CCDC63: variants seen among roughly 807,000 people sequenced by gnomAD.
CCDC63 encodes the protein coiled-coil domain containing 63.
Under a neutral mutation model 63.6 loss-of-function variants are expected in CCDC63, and 54 were observed. The observed-to-expected ratio is 0.85, with a 90% CI of 0.68 to 1.07. The LOEUF (loss-of-function observed/expected upper bound fraction) is 1.07, where lower values mean the gene tolerates loss of function less well. CCDC63 is among the 50% of genes least tolerant of loss of function. The probability of loss-of-function intolerance (pLI) is 0.00; values close to 1 mark genes in which losing one functional copy is unlikely to be tolerated. For missense variants in CCDC63, 637 were observed against 689.6 expected, an observed-to-expected ratio of 0.92 and a Z score of 0.86; for synonymous variants, 253 against 266.1, an observed-to-expected ratio of 0.95 and a Z score of 0.48.
chr12:110,869,985 G>A (rs866438444), intron 4 of CCDC63, among the ~76,000 whole-genome samples: 15 of 152,078 alleles, frequency 9.9e-5, no homozygotes, highest in Admixed American at 5.9e-4. Context: ...TCCTTCACCC[G>A]GTTCCCCCAA....
intron 4 of CCDC63, among the ~76,000 whole-genome samples, chr12:110,870,078 T>A (rs2071043718): frequency 1.3e-5 from 2 of 152,096 alleles, no homozygotes; most frequent in African/African-American, 4.8e-5. Context: ...GAACTCCAGT[T>A]TTTATTGGAG....
At chr12:110,868,686 G>C (rs1310487048) in intron 4 of CCDC63, among the ~76,000 whole-genome samples, 1 of 146,572 alleles carries the variant, frequency 6.8e-6, no homozygotes, top group East Asian at 2.1e-4. Flanking sequence ...GTCCAGCTTC[G>C]GCTCCGCATG....
intron 8 of CCDC63, among the ~76,000 whole-genome samples, chr12:110,886,838 G>A (rs1050755110): frequency 2.6e-5 from 4 of 152,130 alleles, no homozygotes; most frequent in Admixed American, 1.3e-4. Context: ...TCCCCCTCCC[G>A]GAAGGAGGTC....
chr12:110,893,055 G>A, intron 8 of CCDC63, 21 bp from the exon 9 acceptor site: 3 of 1,611,652 alleles, frequency 1.9e-6, no homozygotes, highest in Middle Eastern at 1.7e-4. Context: ...TTTCCTCATG[G>A]TCTTGTTCTC....
chr12:110,867,746 G>A (rs1426020046), intron 4 of CCDC63, among the ~76,000 whole-genome samples: 5 of 133,076 alleles, frequency 3.8e-5, no homozygotes, highest in East Asian at 2.1e-4. Flanking sequence ...CTGGCCAGGC[G>A]GGGGGCTGAC....
intron 7 of CCDC63, among the ~76,000 whole-genome samples, chr12:110,881,708 TAA>T (rs1450348566): frequency 7.0e-6 from 1 of 143,118 alleles, no homozygotes; most frequent in East Asian, 2.0e-4. Flanking sequence ...GGCAACAGAA[TAA>T]GACTCTCAAA....
In CCDC63 at chr12:110,873,960, T is replaced by C. The variant is rs780746666; in HGVS notation, c.488T>C (p.Leu163Pro). The change falls in exon 5 of 12, where the codon CTC (leucine) becomes CCC (proline). Residue 163 changes from leucine to proline, a missense_variant and splice_region_variant. Transcript: ENST00000308208. ...QIHILETRLN[L>P]VTVHFDKMLT... ...CACATTTTGGAAACCCGTTTGAATCTCGTATGTAAAGTGTTCTCTGCAGCT... is the reference window on the plus strand; with the variant it reads ...CACATTTTGGAAACCCGTTTGAATCCCGTATGTAAAGTGTTCTCTGCAGCT... 3.1e-6 allele frequency: 5 copies of C among 1,610,570 alleles called. No homozygotes were observed. Among genetic ancestry groups the C allele is most frequent in the Non-Finnish European group, 4.2e-6 (5 of 1,178,994 alleles).
chr12:110,904,595 T>A lies in CCDC63; in HGVS notation c.1350T>A (p.Ile450=). Residue 450 remains isoleucine, a synonymous_variant, in exon 11 of 12, where the codon ATT becomes ATA. Coordinates refer to ENST00000308208, the MANE Select transcript of CCDC63 (RefSeq NM_152591.3). ...DINLPQYFAI[I]EKKTNDLLLL... ...CTGCTTCTTGTTCTCCAGCCATCAT[T>A]GAAAAGAAGACCAACGACCTGCTGC... The A allele has an allele frequency of 6.2e-7, 1 of 1,613,948 alleles. No individual in the cohort carries two copies. Among genetic ancestry groups the A allele is most frequent in the Non-Finnish European group, 8.5e-7 (1 of 1,179,942 alleles).
intron 8 of CCDC63, among the ~76,000 whole-genome samples, chr12:110,885,828 T>C (rs1566133105): frequency 6.6e-6 from 1 of 152,222 alleles, no homozygotes; most frequent in East Asian, 1.9e-4. Flanking sequence ...GCAAACAGAT[T>C]GCAGCTAGAA....
At chr12:110,899,256 C>A in intron 10 of CCDC63, 131 bp downstream of exon 10, 1 of 765,448 alleles carries the variant, frequency 1.3e-6, no homozygotes, top group Non-Finnish European at 2.1e-6. Context: ...GCCAGCCTGC[C>A]TGGGTTTGAA....
Position 110,889,848 on chromosome 12 carries a change from GACTC to G in CCDC63, c.1075-3224_1075-3221del, listed in dbSNP as rs1276022417. ...CACCCCTGCCCTGTAAAGATCGGAAGACTCACTTCCTTTCTTTTTTCCTTTTTCC... is the reference window on the plus strand; with the variant it reads ...CACCCCTGCCCTGTAAAGATCGGAAGACTTCCTTTCTTTTTTCCTTTTTCC... On this transcript the variant is annotated intron_variant, in intron 8 of 11. Coordinates refer to ENST00000308208, the MANE Select transcript of CCDC63 (RefSeq NM_152591.3). This position sits in a 1 kb window ranked among gnomAD's most constrained non-coding sequence, Gnocchi z 4.1. Among the ~76,000 whole-genome samples the G allele has an allele frequency of 6.6e-6, 1 of 151,878 alleles. No homozygotes were observed. Among genetic ancestry groups the G allele is most frequent in the African/African-American group, 2.4e-5 (1 of 41,324 alleles).
intron 4 of CCDC63, among the ~76,000 whole-genome samples, chr12:110,868,967 T>A (rs2071026270): frequency 6.6e-6 from 1 of 152,202 alleles, no homozygotes; most frequent in Non-Finnish European, 1.5e-5. Context: ...TATGCCACCC[T>A]CCTGCCCACT....
chr12:110,877,708 CTTTT>C (rs1317962661), intron 5 of CCDC63, among the ~76,000 whole-genome samples: 1 of 90,704 alleles, frequency 1.1e-5, no homozygotes, highest in East Asian at 2.1e-4. Flanking sequence ...TTCTTTCTTT[CTTTT>C]TTTTTTTTTT....
In CCDC63 at chr12:110,904,706, C is replaced by T. The variant is rs535552535; in HGVS notation, c.1461C>T (p.Gly487=). 2.0e-4 allele frequency: 316 copies of T among 1,613,964 alleles called. No individual in the cohort carries two copies. Among genetic ancestry groups the T allele is most frequent in the Non-Finnish European group, 2.5e-4 (300 of 1,179,996 alleles). Residue 487 remains glycine, a synonymous_variant, in exon 11 of 12, where the codon GGC becomes GGT. Coordinates refer to ENST00000308208, the MANE Select transcript of CCDC63 (RefSeq NM_152591.3). ...CCTTCATCAACCCTTTCTGGGGTGG[C>T]TCTGCCCTCCTCAAGCCCCCAGAAC... ...PPPFINPFWG[G]SALLKPPEPI...
intron 10 of CCDC63, 46 bp from the exon 11 acceptor site, chr12:110,904,542 C>A: frequency 1.3e-6 from 2 of 1,575,484 alleles, no homozygotes; most frequent in Non-Finnish European, 1.7e-6. Context: ...TGCCCCCAGG[C>A]CCAGGTCTCT....
chr12:110,902,582 C>A (rs1750571902), intron 10 of CCDC63, among the ~76,000 whole-genome samples: 1 of 152,074 alleles, frequency 6.6e-6, no homozygotes, highest in African/African-American at 2.4e-5. Context: ...CTCCCCCCGA[C>A]CACTATTATT....
At chr12:110,904,105 C>G (rs1257477641) in intron 10 of CCDC63, among the ~76,000 whole-genome samples, 1 of 152,130 alleles carries the variant, frequency 6.6e-6, no homozygotes, top group Admixed American at 6.5e-5. Context: ...CCTGTAATTC[C>G]AGCACTTTAG....
intron 1 of CCDC63, among the ~76,000 whole-genome samples, chr12:110,851,397 G>C (rs769326837): frequency 6.6e-5 from 10 of 152,196 alleles, no homozygotes; most frequent in Non-Finnish European, 1.2e-4. Flanking sequence ...CGAGGTTCAA[G>C]TGCAGCAGGA....
intron 8 of CCDC63, among the ~76,000 whole-genome samples, chr12:110,892,589 G>C (rs1046662428): frequency 6.6e-6 from 1 of 152,086 alleles, no homozygotes; most frequent in African/African-American, 2.4e-5. Flanking sequence ...AGGCTGAGGC[G>C]GGCGGATCGC....
Sources: allele counts gnomAD v4.1 joint callset (sites outside exome capture counted in the v4.1 genomes callset), GRCh38; gene constraint gnomAD v4.1.1; non-coding constraint Gnocchi (gnomAD v3.1); transcripts MANE v1.5; gene names NCBI Gene and HGNC (gene_info 2026-07-23, HGNC 2026-07-21).